Variants in MROH2B observed in about 807,000 individuals in gnomAD.
MROH2B encodes the protein maestro heat like repeat family member 2B.
MROH2B carries 177 observed loss-of-function variants against 208.6 expected under a neutral mutation model. That is an observed-to-expected ratio of 0.85 (90% CI 0.75 to 0.96). The LOEUF (loss-of-function observed/expected upper bound fraction) is 0.96. Among genes scored for constraint, MROH2B ranks in the 40% least tolerant of loss-of-function variants. MROH2B has a pLI of 0.00. For missense variants in MROH2B, 2,002 were observed against 1,878.7 expected, an observed-to-expected ratio of 1.07 and a Z score of -1.21; for synonymous variants, 728 against 659.0, an observed-to-expected ratio of 1.10 and a Z score of -1.60.
intron 29 of MROH2B, among the ~76,000 whole-genome samples, chr5:41,013,212 T>G (rs1393521386): frequency 6.6e-6 from 1 of 152,216 alleles, no homozygotes; most frequent in East Asian, 1.9e-4. Flanking sequence ...AGTGTACATA[T>G]GGAGTATGGA....
chr5:41,049,250 A>G, intron 14 of MROH2B, 30 bp downstream of exon 14: 1 of 1,611,908 alleles, frequency 6.2e-7, no homozygotes, highest in Non-Finnish European at 8.5e-7. Context: ...CATAATAGAA[A>G]AGCTTTTCTG....
intron 35 of MROH2B, 106 bp downstream of exon 35, chr5:41,005,425 C>CGCT (rs58129703): frequency 1.4e-5 from 3 of 213,956 alleles, no homozygotes; most frequent in African/African-American, 9.2e-5. Context: ...CCCCCCCCCC[C>CGCT]TTGAAGTCTC....
rs368893459 is a variant in MROH2B, at chr5:41,008,074, T to C, written c.3608+532A>G. Among the ~76,000 whole-genome samples, 4 of 152,314 alleles carry C rather than the reference T, an allele frequency of 2.6e-5. No individual in the cohort carries two copies. The East Asian group carries it at 7.7e-4, about 29-fold the overall frequency. On this transcript the variant is annotated intron_variant, in intron 33 of 41. Coordinates refer to ENST00000399564, the MANE Select transcript of MROH2B (RefSeq NM_173489.5). ...AATGCAGGGAAACAGAATGATGGGA[T>C]ATGAAATGAAAATTCATACTTCATA...
At chr5:41,020,756 T>C (rs1274070704) in intron 24 of MROH2B, among the ~76,000 whole-genome samples, 2 of 152,208 alleles carry the variant, frequency 1.3e-5, no homozygotes, top group African/African-American at 4.8e-5. Context: ...GACATATTTA[T>C]ATAAGATATT....
Position 41,051,019 on chromosome 5 carries a change from C to T in MROH2B, c.1302G>A (p.Glu434=). ...CCAGTGGGTCCAGGGTTTTTAAGAC[C>T]TCAAGGCTTGTTTCTCGGACAGATT... ...EEESVRETSL[E]VLKTLDPLVI... The change falls in exon 13 of 42, where the codon GAG becomes GAA. Residue 434 remains glutamate (E), a synonymous_variant. Transcript: ENST00000399564. 3 of 1,563,822 alleles carry T rather than the reference C, an allele frequency of 1.9e-6. No homozygotes were observed. The highest frequency in any genetic ancestry group is 2.6e-6 in the Non-Finnish European group (3 of 1,161,580).
chr5:41,066,699 T>C (rs1480554180), intron 3 of MROH2B, among the ~76,000 whole-genome samples: 1 of 152,198 alleles, frequency 6.6e-6, no homozygotes, highest in African/African-American at 2.4e-5. Flanking sequence ...GGATTCAAAT[T>C]ACTTCTACAA....
At chr5:41,061,014 T>G (rs531032789) in intron 6 of MROH2B, among the ~76,000 whole-genome samples, 1 of 152,342 alleles carries the variant, frequency 6.6e-6, no homozygotes, top group South Asian at 2.1e-4. Context: ...GGGAATATAC[T>G]TTTAAAGCAA....
chr5:40,999,586 A>G, intron 40 of MROH2B, 91 bp downstream of exon 40: 1 of 986,770 alleles, frequency 1.0e-6, no homozygotes, highest in South Asian at 1.9e-5. Context: ...TACCAGTCCT[A>G]CTAGTGTTCA....
chr5:41,065,701 C>T lies in MROH2B; in HGVS notation c.202-211G>A, dbSNP rs1743788117. The stretch of plus-strand genomic sequence containing the variant: ...GAACCCTCACCATTCCTCCCACCTT[C>T]TGTTCTTTTGGAGTCTGCAAAAACG... On this transcript the variant is annotated intron_variant, in intron 3 of 41. Transcript: ENST00000399564. Among the ~76,000 whole-genome samples the T allele has an allele frequency of 2.0e-5, 3 of 152,118 alleles. No individual in the cohort carries two copies. The South Asian group carries it at 6.2e-4, about 31-fold the overall frequency.
rs138005363 is a variant in MROH2B at position 41,046,815 on chromosome 5, T to A, written c.1728+906A>T. 7.3e-3 allele frequency among the ~76,000 whole-genome samples: 1,107 copies of A among 152,044 alleles called. 7 individuals are homozygous for A. The highest frequency in any genetic ancestry group is 0.011 in the Non-Finnish European group (780 of 67,936). On this transcript the variant is annotated intron_variant, in intron 17 of 41. Transcript: ENST00000399564. ...GAATTTTGGGAGAGGGAAGGGAACA[T>A]AAAAGAACCATAAATATAGGAGGAG... is the stretch of plus-strand genomic sequence containing the variant.
chr5:41,045,720 G>C, intron 18 of MROH2B, 26 bp downstream of exon 18: 1 of 1,574,484 alleles, frequency 6.4e-7, no homozygotes, highest in Non-Finnish European at 8.7e-7. Flanking sequence ...TAAAAGCTAA[G>C]GTTTCCCCTC....
chr5:41,069,593 A>C, intron 2 of MROH2B, 98 bp downstream of exon 2: 3 of 914,022 alleles, frequency 3.3e-6, no homozygotes, highest in Non-Finnish European at 5.1e-6. Flanking sequence ...GTAACAAGCC[A>C]GAGAAAAATG....
chr5:41,018,443 G>T lies in MROH2B; in HGVS notation c.2674-13C>A. On this transcript the variant is annotated splice_polypyrimidine_tract_variant and intron_variant, in intron 26 of 41. Coordinates refer to ENST00000399564, the MANE Select transcript of MROH2B (RefSeq NM_173489.5). ...ACATTTGGAGAAGCTGTTGGTCAAAGAATAAATGTTCTTTCCTTAGTATTC... is the reference window on the plus strand; with the variant it reads ...ACATTTGGAGAAGCTGTTGGTCAAATAATAAATGTTCTTTCCTTAGTATTC... The T allele has an allele frequency of 6.2e-7, 1 of 1,608,106 alleles. No individual in the cohort carries two copies. The highest frequency in any genetic ancestry group is 8.5e-7 in the Non-Finnish European group (1 of 1,177,002).
chr5:41,066,296 C>T (rs985801261), intron 3 of MROH2B, among the ~76,000 whole-genome samples: 3 of 152,036 alleles, frequency 2.0e-5, no homozygotes, highest in African/African-American at 7.3e-5. Flanking sequence ...ACAAAGGACC[C>T]AGATAAGATA....
rs186305102 is a variant in MROH2B at position 41,067,136 on chromosome 5, T to C, written c.173A>G (p.Tyr58Cys). ...GTTGTCTCTCATATCCTTAGAAGCATAATAAATCAATCGTTGGACAATTGC... is the reference window on the plus strand; with the variant it reads ...GTTGTCTCTCATATCCTTAGAAGCACAATAAATCAATCGTTGGACAATTGC... ...DDAIVQRLIY[Y>C]ASKDMRDNNM... The change falls in exon 3 of 42, where the codon TAT becomes TGT. Residue 58 changes from tyrosine to cysteine, a missense_variant. By Grantham distance (194) the Tyr-to-Cys change is radical. Transcript: ENST00000399564. 16 of 1,554,116 alleles carry C rather than the reference T, an allele frequency of 1.0e-5. No individual in the cohort carries two copies. Among genetic ancestry groups the C allele is most frequent in the Non-Finnish European group, 1.4e-5 (16 of 1,147,342 alleles).
At chr5:41,068,715 A>G (rs1010792074) in intron 2 of MROH2B, among the ~76,000 whole-genome samples, 2 of 130,490 alleles carry the variant, frequency 1.5e-5, no homozygotes, top group African/African-American at 2.9e-5. Flanking sequence ...TCCGGAGGTT[A>G]TTCTCTTAAG....
rs145967525 is a variant in MROH2B, at chr5:41,036,165, A to G, written c.2215-2301T>C. ...ACACACACACACACCCCACATTTAT[A>G]CATAGATATGGTTTGGCTGTGTCCC... On this transcript the variant is annotated intron_variant, in intron 21 of 41. Coordinates refer to ENST00000399564, the MANE Select transcript of MROH2B (RefSeq NM_173489.5). Among the ~76,000 whole-genome samples the G allele has an allele frequency of 8.8e-3, 1,336 of 152,122 alleles. 10 individuals carry two copies. The highest frequency in any genetic ancestry group is 0.014 in the Non-Finnish European group (982 of 67,948).
At chr5:41,024,605 T>G (rs1742283074) in intron 24 of MROH2B, among the ~76,000 whole-genome samples, 2 of 152,188 alleles carry the variant, frequency 1.3e-5, no homozygotes, top group Non-Finnish European at 2.9e-5. Context: ...AACACCCCAC[T>G]GTCAACATTA....
At chr5:41,056,939 G>T in intron 9 of MROH2B, 170 bp downstream of exon 9, 1 of 690,296 alleles carries the variant, frequency 1.4e-6, no homozygotes, top group Admixed American at 2.4e-5. Context: ...TGCTCCTCCT[G>T]GGAACTTGTG....
Sources: allele counts gnomAD v4.1 joint callset (sites outside exome capture counted in the v4.1 genomes callset), GRCh38; gene constraint gnomAD v4.1.1; transcripts MANE v1.5; gene names NCBI Gene and HGNC (gene_info 2026-07-23, HGNC 2026-07-21).